The following CPSF3 variants were observed in gnomAD, a reference collection of about 807,000 sequenced individuals.
The protein encoded by CPSF3 is cleavage and polyadenylation specificity factor subunit 3.
In CPSF3, 57 loss-of-function variants were observed where a neutral mutation model predicts 84.1. That is an observed-to-expected ratio of 0.68 (90% confidence interval 0.55 to 0.85). The LOEUF is 0.85. CPSF3 is among the 40% of genes least tolerant of loss of function. The probability of loss-of-function intolerance (pLI) is 0.00; values close to 1 mark genes in which losing one functional copy is unlikely to be tolerated. For synonymous variants in CPSF3, 275 were observed against 278.1 expected (o/e 0.99, Z 0.11); for missense variants, 522 against 838.8 (o/e 0.62, Z 4.66).
Position 9,441,783 on chromosome 2 carries a change from C to T in CPSF3, c.937-35C>T, listed in dbSNP as rs752024197. The T allele has an allele frequency of 5.0e-6, 8 of 1,607,270 alleles. No individual in the cohort carries two copies. The South Asian group carries it at 6.6e-5, about 13-fold the overall frequency. Reference sequence around the variant, plus strand: ...AGAATGCTTTGTCAGCTGCTGGTAGCTAACATACTTTTCCCATTCTGTTTT... The same window carrying T: ...AGAATGCTTTGTCAGCTGCTGGTAGTTAACATACTTTTCCCATTCTGTTTT... On this transcript the variant is annotated intron_variant, in intron 8 of 17. Transcript: ENST00000238112.
chr2:9,434,832 A>G (rs1680719454), intron 6 of CPSF3, among the ~76,000 whole-genome samples: 1 of 152,194 alleles, frequency 6.6e-6, no homozygotes, highest in Non-Finnish European at 1.5e-5. Context: ...TGGTGTATAT[A>G]AGAACATCAG....
intron 15 of CPSF3, among the ~76,000 whole-genome samples, chr2:9,466,352 GCA>G (rs1197055357): frequency 0.01 from 1,310 of 129,126 alleles, 13 homozygotes; most frequent in Middle Eastern, 0.05. Flanking sequence ...GCGCGCGCGC[GCA>G]CACACACACG....
At chr2:9,438,767 A>C (rs1680870887) in intron 7 of CPSF3, among the ~76,000 whole-genome samples, 1 of 152,152 alleles carries the variant, frequency 6.6e-6, no homozygotes, top group South Asian at 2.1e-4. Context: ...CTAAAATTCA[A>C]ATTTAACTGA....
chr2:9,431,079 C>T (rs1020280510), intron 4 of CPSF3, among the ~76,000 whole-genome samples, 199 bp downstream of exon 4: 1 of 152,184 alleles, frequency 6.6e-6, no homozygotes, highest in African/African-American at 2.4e-5. Flanking sequence ...TTTTTTGAGA[C>T]AGGATCTTGC....
At position 9,444,882 on chromosome 2, in the gene CPSF3, T is replaced by C. The variant is rs569756902; in HGVS notation, c.1242+1221T>C. Among the ~76,000 whole-genome samples the C allele has an allele frequency of 1.8e-4, 27 of 151,936 alleles. No individual in the cohort carries two copies. The East Asian group carries it at 5.3e-3, about 30-fold the overall frequency. On this transcript the variant is annotated intron_variant, in intron 10 of 17. Transcript: ENST00000238112. ...GTTTTCACCATGTTGGCCAGGCTGT[T>C]CTCAAACTCCTGACCTCAGGTGATC...
chr2:9,466,277 C>G (rs1278521814), intron 15 of CPSF3, among the ~76,000 whole-genome samples: 1 of 145,680 alleles, frequency 6.9e-6, no homozygotes, highest in African/African-American at 2.5e-5. Flanking sequence ...GACGCACGCA[C>G]ACACGTGCGC....
In CPSF3 at chr2:9,452,926, T is replaced by C. The variant is rs1311635741; in HGVS notation, c.1409T>C (p.Leu470Ser). The C allele has an allele frequency of 7.5e-6, 12 of 1,598,018 alleles. No individual in the cohort carries two copies. Among genetic ancestry groups the C allele is most frequent in the Non-Finnish European group, 1.0e-5 (12 of 1,175,758 alleles). ...TTTTTTTTACAGGTTATGGGATTTT[T>C]AGCAGACAAAAAACCAGAACAAGGC... ...GEKLAKVMGFLADKKPEQGQR... is the reference protein window; with the variant it reads ...GEKLAKVMGFSADKKPEQGQR... Residue 470 changes from leucine (L) to serine (S), a missense_variant, in exon 12 of 18, where the codon TTA becomes TCA. By Grantham distance (145) the Leu-to-Ser change is moderately radical. Transcript: ENST00000238112.
intron 6 of CPSF3, 88 bp from the exon 7 acceptor site, chr2:9,436,123 T>G (rs549377944): frequency 8.8e-7 from 1 of 1,130,850 alleles, no homozygotes; most frequent in African/African-American, 1.6e-5. Flanking sequence ...AGTGAATTGC[T>G]TAGCCCCTCA....
In CPSF3 at chr2:9,466,340, A is replaced by ACGCG. The variant is rs55864348; in HGVS notation, c.1787-1357_1787-1354dup. Among the ~76,000 whole-genome samples, 207 of 56,752 alleles carry ACGCG rather than the reference A, an allele frequency of 3.6e-3. 2 individuals are homozygous for ACGCG. The highest frequency in any genetic ancestry group is 7.7e-3 in the Non-Finnish European group (145 of 18,754). 37.2% of individuals were successfully genotyped at this position (56,752 alleles called of 152,430 possible). ...CGCACGCACACAGACGCACGCACAC[A>ACGCG]CGCGCGCGCGCGCACACACACACGC... On this transcript the variant is annotated intron_variant, in intron 15 of 17. Transcript: ENST00000238112.
At chr2:9,429,451 C>T (rs10184067) in intron 2 of CPSF3, among the ~76,000 whole-genome samples, 72,627 of 152,012 alleles carry the variant, frequency 0.48, 18,853 homozygotes, top group Middle Eastern at 0.68. Flanking sequence ...TTGGTAGTAA[C>T]GCCATAAAAA....
In CPSF3 at chr2:9,456,996, T is replaced by C; in HGVS notation, c.1667T>C (p.Val556Ala). ...CTGAAAGTGTTCAAAAATATTACTG[T>C]AATACAAGAACCAGGCATGGTGGTA... ...PALKVFKNIT[V>A]IQEPGMVVLE... Residue 556 changes from valine to alanine, a missense_variant, in exon 14 of 18, where the codon GTA (valine) becomes GCA (alanine). By Grantham distance (64) the Val-to-Ala change is moderately conservative. This residue lies in a region of CPSF3 where 193 missense variants were observed against 231.6 expected (regional missense o/e 0.83). Coordinates refer to ENST00000238112, the MANE Select transcript of CPSF3 (RefSeq NM_016207.4). 6.2e-7 allele frequency: 1 copy of C among 1,601,770 alleles called. No individual in the cohort carries two copies. Among genetic ancestry groups the C allele is most frequent in the East Asian group, 2.2e-5 (1 of 44,688 alleles).
chr2:9,443,001 A>G (rs1027417185), intron 9 of CPSF3, among the ~76,000 whole-genome samples: 2 of 152,190 alleles, frequency 1.3e-5, no homozygotes, highest in Non-Finnish European at 2.9e-5. Flanking sequence ...CATCTCTACA[A>G]AAAATACAAA....
At chr2:9,462,265 C>T (rs1681753437) in intron 15 of CPSF3, among the ~76,000 whole-genome samples, 1 of 152,188 alleles carries the variant, frequency 6.6e-6, no homozygotes, top group South Asian at 2.1e-4. Flanking sequence ...CAAATGCCAC[C>T]AGGGTTGCTT....
chr2:9,449,308 T>C (rs187735530), intron 11 of CPSF3, among the ~76,000 whole-genome samples: 39 of 152,220 alleles, frequency 2.6e-4, no homozygotes, highest in African/African-American at 8.7e-4. Flanking sequence ...GAGAATCCCT[T>C]GAACCCAGGA....
intron 5 of CPSF3, 35 bp from the exon 6 acceptor site, chr2:9,433,836 C>T: frequency 6.9e-7 from 1 of 1,456,202 alleles, no homozygotes; most frequent in Non-Finnish European, 9.6e-7. Flanking sequence ...AAGCCTTCCC[C>T]AAATCCTAAC....
rs1682243503 is a variant in CPSF3, at chr2:9,473,073, A to G, written c.*56A>G. On this transcript the variant is annotated 3_prime_UTR_variant, in exon 18 of 18. Transcript: ENST00000238112. The stretch of plus-strand genomic sequence containing the variant: ...TACTTGACTCTACTTTTGTTACCTA[A>G]AATAAAATGCATTCGTTTCTCTGGG... 8.0e-7 allele frequency: 1 copy of G among 1,247,560 alleles called. No individual in the cohort carries two copies. Among genetic ancestry groups the G allele is most frequent in the Non-Finnish European group, 1.2e-6 (1 of 863,958 alleles). 77.3% of individuals were successfully genotyped at this position (1,247,560 alleles called of 1,614,324 possible).
At chr2:9,440,236 TA>T (rs1262987817) in intron 7 of CPSF3, among the ~76,000 whole-genome samples, 4 of 152,224 alleles carry the variant, frequency 2.6e-5, no homozygotes, top group Non-Finnish European at 5.9e-5. Flanking sequence ...GAGTCATGTT[TA>T]AAAGCCTCCA....
intron 9 of CPSF3, 26 bp downstream of exon 9, chr2:9,442,002 G>A: frequency 6.2e-7 from 1 of 1,608,128 alleles, no homozygotes; most frequent in Non-Finnish European, 8.5e-7. Flanking sequence ...AGGCTGTTGT[G>A]TTATTCCTAT....
At chr2:9,448,159 G>T in intron 10 of CPSF3, 39 bp from the exon 11 acceptor site, 1 of 1,237,192 alleles carries the variant, frequency 8.1e-7, no homozygotes, top group South Asian at 1.6e-5. Flanking sequence ...TAAGCTGAAT[G>T]ATGTTTCCAT....
Sources: gnomAD v4.1 joint callset for allele counts (sites outside exome capture counted in the v4.1 genomes callset) on GRCh38, gnomAD v4.1.1 for gene constraint, gnomAD v4.1.1 regional missense constraint, MANE v1.5 for transcripts, NCBI Gene and HGNC (gene_info 2026-07-23, HGNC 2026-07-21) for gene names.